The following ROBO2 variants were observed in gnomAD, a reference collection of about 807,000 sequenced individuals.
ROBO2 encodes roundabout guidance receptor 2, also known as roundabout homolog 2.
In ROBO2, 53 loss-of-function variants were observed where a neutral mutation model predicts 160.8. That is an observed-to-expected ratio of 0.33 (90% CI 0.26 to 0.41). The LOEUF (loss-of-function observed/expected upper bound fraction) is 0.41. Among genes scored for constraint, ROBO2 ranks in the 10% least tolerant of loss-of-function variants. The pLI is 1.00. For missense variants in ROBO2, 1,577 were observed against 1,722.4 expected (o/e 0.92, Z 1.49); for synonymous variants, 664 against 611.7 (o/e 1.09, Z -1.26).
intron 2 of ROBO2, among the ~76,000 whole-genome samples, chr3:77,102,333 A>T (rs1022171531): frequency 3.3e-5 from 5 of 152,068 alleles, no homozygotes; most frequent in Admixed American, 2.6e-4. Flanking sequence ...TAGGCATTGT[A>T]AGATGTTTAG....
intron 2 of ROBO2, among the ~76,000 whole-genome samples, chr3:76,583,201 G>C (rs1036398844): frequency 1.3e-5 from 2 of 152,144 alleles, no homozygotes; most frequent in African/African-American, 4.8e-5. Context: ...TGAGGATAGA[G>C]ACTGTAATGT....
At chr3:77,259,270 T>TA (rs769032464) in intron 2 of ROBO2, among the ~76,000 whole-genome samples, 7 of 152,034 alleles carry the variant, frequency 4.6e-5, no homozygotes, top group Admixed American at 6.6e-5. Context: ...TGGTCAGTGC[T>TA]AAAAAAAATT....
At chr3:77,517,014 A>C (rs368961312) in intron 5 of ROBO2, among the ~76,000 whole-genome samples, 1 of 151,632 alleles carries the variant, frequency 6.6e-6, no homozygotes, top group African/African-American at 2.4e-5. Context: ...AGAGAGAACC[A>C]GTCCTCATTC....
At chr3:76,389,979 T>A (rs1325177627) in intron 2 of ROBO2, among the ~76,000 whole-genome samples, 2 of 152,158 alleles carry the variant, frequency 1.3e-5, no homozygotes, top group Non-Finnish European at 2.9e-5. Flanking sequence ...GCAGTCATTC[T>A]TCACTAGAGC....
At chr3:76,782,520 C>T (rs2062711711) in intron 2 of ROBO2, among the ~76,000 whole-genome samples, 1 of 150,770 alleles carries the variant, frequency 6.6e-6, no homozygotes, top group Non-Finnish European at 1.5e-5. Context: ...TTTCCTTCTT[C>T]AGTTCTGATA....
chr3:76,038,897 C>T (rs973724574), intron 2 of ROBO2, among the ~76,000 whole-genome samples: 1 of 151,782 alleles, frequency 6.6e-6, no homozygotes, highest in East Asian at 1.9e-4. Context: ...TAGTGATTAG[C>T]TCTTTTGTTT....
At chr3:77,371,379 C>G (rs1395138464) in intron 2 of ROBO2, among the ~76,000 whole-genome samples, 1 of 152,196 alleles carries the variant, frequency 6.6e-6, no homozygotes, top group Non-Finnish European at 1.5e-5. Context: ...CTTCTCTCTT[C>G]TCCGTTCTCC....
At chr3:76,153,434 G>T (rs1167932653) in intron 2 of ROBO2, among the ~76,000 whole-genome samples, 1 of 152,256 alleles carries the variant, frequency 6.6e-6, no homozygotes, top group East Asian at 1.9e-4. Context: ...GAAAAGCATT[G>T]AGTTTTTTGT....
intron 2 of ROBO2, among the ~76,000 whole-genome samples, chr3:76,183,327 T>A (rs982387263): frequency 5.9e-5 from 9 of 152,128 alleles, no homozygotes; most frequent in Admixed American, 1.3e-4. Context: ...TTCTGCTCTG[T>A]TGTATTGGTA....
At chr3:77,180,214 T>C (rs2080584890) in intron 2 of ROBO2, among the ~76,000 whole-genome samples, 1 of 151,914 alleles carries the variant, frequency 6.6e-6, no homozygotes, top group Non-Finnish European at 1.5e-5. Flanking sequence ...AAGCACATTT[T>C]GTATAAATTC....
At chr3:77,090,717 C>G (rs2070110089) in intron 1 of ROBO2, among the ~76,000 whole-genome samples, 1 of 152,066 alleles carries the variant, frequency 6.6e-6, no homozygotes, top group Non-Finnish European at 1.5e-5. Flanking sequence ...TGAACGTTAA[C>G]TGATCAATAA....
At chr3:77,484,698 T>A (rs956991108) in intron 4 of ROBO2, among the ~76,000 whole-genome samples, 1 of 152,056 alleles carries the variant, frequency 6.6e-6, no homozygotes, top group South Asian at 2.1e-4. Context: ...GGCCCACTTA[T>A]AGCTCCTTCC....
intron 2 of ROBO2, among the ~76,000 whole-genome samples, chr3:76,212,164 T>A (rs1235168121): frequency 2.6e-5 from 4 of 151,960 alleles, no homozygotes; most frequent in African/African-American, 9.7e-5. Flanking sequence ...ATATACAAAT[T>A]TTATAACATT....
chr3:77,468,691 T>G (rs1292645478), intron 2 of ROBO2, among the ~76,000 whole-genome samples: 2 of 152,368 alleles, frequency 1.3e-5, no homozygotes, highest in East Asian at 3.9e-4. Context: ...TGCAGAATAC[T>G]AGACTTCACA....
intron 2 of ROBO2, among the ~76,000 whole-genome samples, chr3:76,057,793 T>C (rs772323467): frequency 2.0e-5 from 3 of 152,218 alleles, no homozygotes; most frequent in Non-Finnish European, 2.9e-5. Flanking sequence ...TTTTTTTGTC[T>C]GAAAAATCAG....
At chr3:75,999,655 A>G (rs1213886039) in intron 2 of ROBO2, among the ~76,000 whole-genome samples, 3 of 152,048 alleles carry the variant, frequency 2.0e-5, no homozygotes, top group Non-Finnish European at 4.4e-5. Flanking sequence ...TTCTATTTTA[A>G]TTTGTTCAAA....
In ROBO2 at chr3:77,527,014, G is replaced by A. The variant is rs188843087; in HGVS notation, c.934+4112G>A. Among the ~76,000 whole-genome samples the A allele has an allele frequency of 7.3e-5, 11 of 151,476 alleles. No individual in the cohort carries two copies. The East Asian group carries it at 1.2e-3, about 16-fold the overall frequency. On this transcript the variant is annotated intron_variant, in intron 6 of 25. Transcript: ENST00000461745. ...CCAATTGCTATTTAAATCAGACAGC[G>A]AGGCCTTCTTTTATTGACATGACAT...
intron 2 of ROBO2, among the ~76,000 whole-genome samples, chr3:76,551,578 G>C (rs576131654): frequency 6.6e-6 from 1 of 152,272 alleles, no homozygotes; most frequent in South Asian, 2.1e-4. Flanking sequence ...GATAGAATGA[G>C]GAGCTATGGC....
chr3:76,705,402 G>A (rs1483703709), intron 2 of ROBO2, among the ~76,000 whole-genome samples: 6 of 152,026 alleles, frequency 3.9e-5, no homozygotes, highest in African/African-American at 1.4e-4. Context: ...TGATAAATAC[G>A]TAAAGGGGTA....
Sources: gnomAD v4.1 joint callset for allele counts (sites outside exome capture counted in the v4.1 genomes callset) on GRCh38, gnomAD v4.1.1 for gene constraint, MANE v1.5 for transcripts, NCBI Gene and HGNC (gene_info 2026-07-23, HGNC 2026-07-21) for gene names.